KDM2B: variants seen among roughly 807,000 people sequenced by gnomAD.
KDM2B encodes lysine demethylase 2B.
In KDM2B, 26 loss-of-function variants were observed where a neutral mutation model predicts 150.0. The ratio of observed to expected loss-of-function variants is 0.17; its 90% CI spans 0.13 to 0.24. The LOEUF (loss-of-function observed/expected upper bound fraction) is 0.24. Among genes scored for constraint, KDM2B ranks in the 10% least tolerant of loss-of-function variants. The probability of loss-of-function intolerance (pLI) is 1.00; values close to 1 mark genes in which losing one functional copy is unlikely to be tolerated. For missense variants in KDM2B, 1,265 were observed against 1,816.9 expected (o/e 0.70, Z 5.52); for synonymous variants, 734 against 729.5 (o/e 1.01, Z -0.10).
Position 121,442,939 on chromosome 12 carries a change from G to T in KDM2B, c.2604+53C>A. The T allele has an allele frequency of 1.2e-6, 2 of 1,601,466 alleles. No homozygotes were observed. Among genetic ancestry groups the T allele is most frequent in the Non-Finnish European group, 1.7e-6 (2 of 1,171,542 alleles). ...CGGGACTGTGGCCCAGGGAGCTGCG[G>T]TGCAGCTCTAACCGCTCAGGCCTGG... On this transcript the variant is annotated intron_variant, in intron 18 of 22. Transcript: ENST00000377071. The surrounding 1 kb of genome is among the most constrained non-coding windows in gnomAD (Gnocchi z 7.7).
intron 10 of KDM2B, 34 bp from the exon 11 acceptor site, chr12:121,510,073 G>A (rs1555303703): frequency 6.7e-7 from 1 of 1,501,580 alleles, no homozygotes. Context: ...AGACCGAGAT[G>A]ACACCTAACT....
chr12:121,580,176 C>A lies in KDM2B; in HGVS notation c.126+610G>T. 5.2e-6 allele frequency: 8 copies of A among 1,535,726 alleles called. No individual in the cohort carries two copies. In the South Asian group the frequency reaches 8.9e-5, roughly 17 times the overall value. ...ATAAATAAATAAAGCAAGCCAGAGC[C>A]GAGATCTACAAAGTTTTGCACCAAC... On this transcript the variant is annotated intron_variant, in intron 1 of 22. Coordinates refer to ENST00000377071, the MANE Select transcript of KDM2B (RefSeq NM_032590.5).
chr12:121,574,477 A>T (rs1891354667), intron 4 of KDM2B, 70 bp downstream of exon 4: 2 of 1,444,188 alleles, frequency 1.4e-6, no homozygotes, highest in Non-Finnish European at 9.7e-7. Flanking sequence ...CTAAATGGGC[A>T]GGTGGTGACC....
chr12:121,580,777 C>G lies in KDM2B; in HGVS notation c.126+9G>C. 1 of 1,612,912 alleles carries G rather than the reference C, an allele frequency of 6.2e-7. No homozygotes were observed. Among genetic ancestry groups the G allele is most frequent in the Non-Finnish European group, 8.5e-7 (1 of 1,179,510 alleles). On this transcript the variant is annotated intron_variant, in intron 1 of 22. Coordinates refer to ENST00000377071, the MANE Select transcript of KDM2B (RefSeq NM_032590.5). Reference sequence around the variant, plus strand: ...CCTCTTCTTTCATCCACCCCTCCCCCAACATTACCTGTGTGGCCGACTCAA... The same window carrying G: ...CCTCTTCTTTCATCCACCCCTCCCCGAACATTACCTGTGTGGCCGACTCAA...
At chr12:121,472,010 C>G (rs1439493500) in intron 12 of KDM2B, among the ~76,000 whole-genome samples, 5 of 152,166 alleles carry the variant, frequency 3.3e-5, no homozygotes. Flanking sequence ...ATAATCCCAG[C>G]TACTCGGGAG....
intron 12 of KDM2B, among the ~76,000 whole-genome samples, chr12:121,486,332 CCT>C (rs1882753505): frequency 1.4e-5 from 1 of 70,534 alleles, no homozygotes; most frequent in Non-Finnish European, 2.6e-5. Context: ...GTTTCGAACT[CCT>C]TTTTTTTTTT....
At chr12:121,528,217 T>C (rs1887320950) in intron 8 of KDM2B, among the ~76,000 whole-genome samples, 1 of 152,160 alleles carries the variant, frequency 6.6e-6, no homozygotes, top group African/African-American at 2.4e-5. Context: ...TCCAGGCAGC[T>C]CTCCTAGGTT....
At chr12:121,434,517 A>G (rs1016942080) in intron 22 of KDM2B, among the ~76,000 whole-genome samples, 16 of 152,148 alleles carry the variant, frequency 1.1e-4, no homozygotes, top group African/African-American at 3.4e-4. Context: ...AAAAAAAAAA[A>G]AAAAGAATCA....
intron 8 of KDM2B, among the ~76,000 whole-genome samples, chr12:121,522,575 C>T (rs1429719330): frequency 1.4e-5 from 2 of 145,274 alleles, no homozygotes; most frequent in African/African-American, 2.6e-5. Flanking sequence ...GGGCCAGGCA[C>T]GGTGGCTCAT....
intron 12 of KDM2B, among the ~76,000 whole-genome samples, chr12:121,478,783 G>C (rs1881691811): frequency 6.6e-6 from 1 of 151,694 alleles, no homozygotes; most frequent in Non-Finnish European, 1.5e-5. Flanking sequence ...CGTTGCCCAG[G>C]CTCAAGCAAT....
chr12:121,553,179 C>T (rs551451988), intron 4 of KDM2B, among the ~76,000 whole-genome samples: 6 of 151,618 alleles, frequency 4.0e-5, no homozygotes, highest in East Asian at 1.9e-4. Flanking sequence ...TGCAGCGAGC[C>T]GAGATCGCGC....
chr12:121,504,705 G>A (rs564107912), intron 11 of KDM2B, among the ~76,000 whole-genome samples: 18 of 152,284 alleles, frequency 1.2e-4, no homozygotes, highest in African/African-American at 3.8e-4. Flanking sequence ...GGTTGCACAC[G>A]ATTGTGAATT....
At chr12:121,567,183 C>T (rs189057210) in intron 4 of KDM2B, among the ~76,000 whole-genome samples, 3 of 151,944 alleles carry the variant, frequency 2.0e-5, no homozygotes, top group African/African-American at 4.8e-5. Flanking sequence ...CACCGCCCCC[C>T]ACCTGGGAAT....
intron 1 of KDM2B, chr12:121,580,161 A>G: frequency 2.0e-6 from 3 of 1,471,176 alleles, no homozygotes; most frequent in Non-Finnish European, 9.0e-7. Flanking sequence ...ATAAATAAAT[A>G]AAGCAAGCCA....
chr12:121,575,641 G>T lies in KDM2B; in HGVS notation c.350+140C>A. 1 of 689,876 alleles carries T rather than the reference G, an allele frequency of 1.4e-6. No individual in the cohort carries two copies. The highest frequency in any genetic ancestry group is 2.6e-5 in the East Asian group (1 of 38,712). 42.7% of individuals were successfully genotyped at this position (689,876 alleles called of 1,614,324 possible). A position where few individuals can be genotyped will look rare whatever the true frequency, so the allele number is the denominator to read the frequency against. ...TTCCCCTTTGTCAGGCCTTGAACAA[G>T]GAGATGCTGTTCCCAGATCGTGAAA... On this transcript the variant is annotated intron_variant, in intron 3 of 22. Coordinates refer to ENST00000377071, the MANE Select transcript of KDM2B (RefSeq NM_032590.5). This position sits in a 1 kb window ranked among gnomAD's most constrained non-coding sequence, Gnocchi z 4.4.
chr12:121,482,552 G>A (rs542757126), intron 12 of KDM2B, among the ~76,000 whole-genome samples: 10 of 152,056 alleles, frequency 6.6e-5, no homozygotes, highest in Middle Eastern at 6.8e-3. Flanking sequence ...CACTCGCTTC[G>A]GCCTCTCAAA....
intron 11 of KDM2B, among the ~76,000 whole-genome samples, chr12:121,501,844 A>T (rs928604821): frequency 5.3e-5 from 8 of 152,070 alleles, no homozygotes; most frequent in Non-Finnish European, 1.2e-4. Flanking sequence ...GCTGGTCTCG[A>T]ACTCCTGACC....
At chr12:121,543,636 C>T (rs1177373637) in intron 6 of KDM2B, among the ~76,000 whole-genome samples, 2 of 151,652 alleles carry the variant, frequency 1.3e-5, no homozygotes, top group African/African-American at 2.4e-5. Context: ...CCATCCTGGC[C>T]AACATGGTGA....
At chr12:121,534,736 A>C in intron 6 of KDM2B, 146 bp from the exon 7 acceptor site, 1 of 613,658 alleles carries the variant, frequency 1.6e-6, no homozygotes, top group Non-Finnish European at 2.9e-6. Context: ...AAAAATCCAA[A>C]TGTAATCGGA....
Sources: allele counts gnomAD v4.1 joint callset (sites outside exome capture counted in the v4.1 genomes callset), GRCh38; gene constraint gnomAD v4.1.1; non-coding constraint Gnocchi (gnomAD v3.1); transcripts MANE v1.5; gene names NCBI Gene and HGNC (gene_info 2026-07-23, HGNC 2026-07-21).